PCDHA1: variants seen among roughly 807,000 people sequenced by gnomAD.
The protein encoded by PCDHA1 is protocadherin alpha 1, also known as protocadherin alpha-1.
PCDHA1 carries 42 observed loss-of-function variants against 61.3 expected under a neutral mutation model. The observed-to-expected ratio is 0.69, with a 90% CI of 0.54 to 0.89. The LOEUF is 0.89. PCDHA1 is among the 40% of genes least tolerant of loss of function. The pLI, the probability that PCDHA1 is intolerant of heterozygous loss-of-function variation, is 0.00. For synonymous variants in PCDHA1, 610 were observed against 553.8 expected (o/e 1.10, Z -1.43); for missense variants, 1,256 against 1,235.3 (o/e 1.02, Z -0.25).
At chr5:140,875,886 A>C (rs201813340) in intron 1 of PCDHA1, 1 of 1,614,176 alleles carries the variant, frequency 6.2e-7, no homozygotes, top group Non-Finnish European at 8.5e-7. Flanking sequence ...AAAGGGAACA[A>C]AAGGTACCTG....
In PCDHA1 at chr5:140,848,671, T is replaced by C. The variant is rs2150416657; in HGVS notation, c.2394+59987T>C. The C allele has an allele frequency of 3.1e-6, 5 of 1,592,316 alleles. 1 individual carries two copies. The highest frequency in any genetic ancestry group is 2.2e-5 in the South Asian group (2 of 90,134). On this transcript the variant is annotated intron_variant, in intron 1 of 3. Transcript: ENST00000504120. ...GACCTGGGGCTGGAGCTGGCGGAGCTGGTGCCGCGCCTGTTCCAGTTGGAT... is the reference window on the plus strand; with the variant it reads ...GACCTGGGGCTGGAGCTGGCGGAGCCGGTGCCGCGCCTGTTCCAGTTGGAT...
At chr5:140,941,191 T>TTTCTTTCTTTC (rs1487503403) in intron 1 of PCDHA1, among the ~76,000 whole-genome samples, 64 of 93,246 alleles carry the variant, frequency 6.9e-4, no homozygotes, top group South Asian at 4.2e-3. Context: ...GCTTCTTTTT[T>TTTCTTTCTTTC]TTTCTTTCTT....
At chr5:140,836,001 G>T (rs1405342443) in intron 1 of PCDHA1, 5 of 1,613,350 alleles carry the variant, frequency 3.1e-6, no homozygotes, top group African/African-American at 2.7e-5. Flanking sequence ...CGCGCGCGAT[G>T]CGGGCGTGCC....
chr5:140,953,074 C>T (rs929530454), intron 1 of PCDHA1, among the ~76,000 whole-genome samples: 1 of 152,204 alleles, frequency 6.6e-6, no homozygotes, highest in Non-Finnish European at 1.5e-5. Flanking sequence ...CCATCTCCAA[C>T]ATTGGGGATT....
intron 1 of PCDHA1, chr5:140,860,578 G>T (rs1420299092): frequency 1.3e-5 from 2 of 152,134 alleles, no homozygotes; most frequent in Non-Finnish European, 2.9e-5. Flanking sequence ...ACACAAGAAG[G>T]TATAGGAAAG....
Position 140,869,207 on chromosome 5 carries a change from T to C in PCDHA1, c.2394+80523T>C, listed in dbSNP as rs781925229. ...GGGAGCGGCCAGCTCCACTACTCCG[T>C]CTCGGAGGAGGCCAAACACGGCACC... On this transcript the variant is annotated intron_variant, in intron 1 of 3. Transcript: ENST00000504120. 3.7e-6 allele frequency: 6 copies of C among 1,613,842 alleles called. No homozygotes were observed. The African/African-American group carries it at 5.3e-5, about 14-fold the overall frequency.
intron 1 of PCDHA1, chr5:140,823,662 G>C: frequency 1.9e-6 from 3 of 1,614,064 alleles, no homozygotes; most frequent in Non-Finnish European, 2.5e-6. Flanking sequence ...ACACAGGCGA[G>C]ATCAGCACAA....
chr5:141,009,545 A>G, intron 3 of PCDHA1, 82 bp from the exon 4 acceptor site: 2 of 1,535,938 alleles, frequency 1.3e-6, no homozygotes, highest in Non-Finnish European at 1.8e-6. Flanking sequence ...CTGCCTATGC[A>G]GTACTCCTGT....
At chr5:140,911,654 T>C (rs1554194855) in intron 1 of PCDHA1, among the ~76,000 whole-genome samples, 1 of 152,218 alleles carries the variant, frequency 6.6e-6, no homozygotes, top group Non-Finnish European at 1.5e-5. Flanking sequence ...ATAGAGTTAC[T>C]AAACTCCTTG....
At chr5:140,823,674 A>G (rs2150128139) in intron 1 of PCDHA1, 1 of 1,613,986 alleles carries the variant, frequency 6.2e-7, no homozygotes, top group Non-Finnish European at 8.5e-7. Flanking sequence ...TCAGCACAAC[A>G]CGCTCTCTGG....
At chr5:140,927,133 G>A (rs2083881073) in intron 1 of PCDHA1, 16 of 1,613,984 alleles carry the variant, frequency 9.9e-6, no homozygotes, top group Non-Finnish European at 1.4e-5. Context: ...CAGAGAGCCG[G>A]CGGACCGCGA....
At chr5:140,809,416 T>C (rs1764458100) in intron 1 of PCDHA1, 3 of 1,614,080 alleles carry the variant, frequency 1.9e-6, no homozygotes, top group African/African-American at 2.7e-5. Flanking sequence ...TGTGCTCCAG[T>C]GCGGTGGGGA....
Position 140,787,501 on chromosome 5 carries a change from A to G in PCDHA1, c.1211A>G (p.Tyr404Cys), listed in dbSNP as rs1761375854. 7 of 1,614,206 alleles carry G rather than the reference A, an allele frequency of 4.3e-6. No individual in the cohort carries two copies. Among genetic ancestry groups the G allele is most frequent in the Non-Finnish European group, 5.9e-6 (7 of 1,180,036 alleles). Reference protein sequence around the residue: ...PFKLVSTFKNYYSLVLDSALD... With the variant: ...PFKLVSTFKNCYSLVLDSALD... ...AAGCTGGTGTCCACCTTCAAGAATT[A>G]CTACTCGTTGGTGTTGGACAGCGCC... Residue 404 changes from tyrosine to cysteine, a missense_variant, in exon 1 of 4, where the codon TAC (tyrosine) becomes TGC (cysteine). Transcript: ENST00000504120.
chr5:140,795,381 T>C (rs782365486), intron 1 of PCDHA1: 3 of 1,614,180 alleles, frequency 1.9e-6, no homozygotes, highest in Non-Finnish European at 2.5e-6. Context: ...CAGTAAAGAC[T>C]ATCCGGTTTC....
At chr5:140,964,634 T>C (rs2095845045) in intron 1 of PCDHA1, among the ~76,000 whole-genome samples, 1 of 151,918 alleles carries the variant, frequency 6.6e-6, no homozygotes, top group Non-Finnish European at 1.5e-5. Flanking sequence ...AGCCATTTAT[T>C]TTCAGAAACA....
At chr5:140,857,658 G>A (rs17844344) in intron 1 of PCDHA1, 3 of 1,596,790 alleles carry the variant, frequency 1.9e-6, no homozygotes, top group East Asian at 2.2e-5. Context: ...GTGAGCGCGC[G>A]CGATGGGGGC....
chr5:140,870,100 T>C (rs1554163812), intron 1 of PCDHA1: 2 of 1,613,914 alleles, frequency 1.2e-6, no homozygotes, highest in Admixed American at 3.3e-5. Context: ...GGCAGGTCAC[T>C]GTACAGTCTG....
intron 1 of PCDHA1, chr5:140,824,221 T>G: frequency 6.4e-7 from 1 of 1,560,374 alleles, no homozygotes; most frequent in South Asian, 1.1e-5. Flanking sequence ...AAAAATTATG[T>G]CTTAGTACAC....
rs2150435821 is a variant in PCDHA1 at position 140,849,360 on chromosome 5, A to G, written c.2394+60676A>G. ...CTTCTCCAGTGATGTTTCTCCAGAT[A>G]TAAAATCCAAGTTCCACATGGACCC... On this transcript the variant is annotated intron_variant, in intron 1 of 3. Transcript: ENST00000504120. The G allele has an allele frequency of 6.8e-6, 10 of 1,467,526 alleles. No homozygotes were observed. In the African/African-American group the frequency reaches 1.1e-4, roughly 16 times the overall value. The allele number at this position is 1,467,526 out of a possible 1,614,324, so 90.9% of individuals were successfully genotyped here. A position where few individuals can be genotyped will look rare whatever the true frequency, so the allele number is the denominator to read the frequency against.
Sources: allele counts gnomAD v4.1 joint callset (sites outside exome capture counted in the v4.1 genomes callset), GRCh38; gene constraint gnomAD v4.1.1; transcripts MANE v1.5; gene names NCBI Gene and HGNC (gene_info 2026-07-23, HGNC 2026-07-21).